GRB14: variants seen among roughly 807,000 people sequenced by gnomAD.
The protein encoded by GRB14 is growth factor receptor bound protein 14, also known as growth factor receptor-bound protein 14.
In GRB14, 38 loss-of-function variants were observed where a neutral mutation model predicts 69.1. The ratio of observed to expected loss-of-function variants is 0.55; its 90% CI spans 0.42 to 0.72. The LOEUF is 0.72. Ranked by LOEUF, GRB14 falls within the 30% of genes least tolerant of loss-of-function variation. GRB14 has a pLI of 0.00. For missense variants in GRB14, 666 were observed against 666.1 expected, an observed-to-expected ratio of 1.00 and a Z score of 0.00; for synonymous variants, 247 against 241.3, an observed-to-expected ratio of 1.02 and a Z score of -0.22.
chr2:164,621,165 C>G lies in GRB14; in HGVS notation c.145G>C (p.Ala49Pro). Reference sequence around the variant, plus strand: ...GTCCCGTCCGGAAGGGGCAGGAGCGCTCGCGCGTGCAGCCAGGGGGCCGGC... The same window carrying G: ...GTCCCGTCCGGAAGGGGCAGGAGCGGTCGCGCGTGCAGCCAGGGGGCCGGC... ...LAPAPWLHARALLPLPDGTRG... is the reference protein window; with the variant it reads ...LAPAPWLHARPLLPLPDGTRG... Residue 49 changes from alanine to proline, a missense_variant, in exon 1 of 14, where the codon GCG becomes CCG. Coordinates refer to ENST00000263915, the MANE Select transcript of GRB14 (RefSeq NM_004490.3). This position sits in a 1 kb window ranked among gnomAD's most constrained non-coding sequence, Gnocchi z 6.0. 2 of 1,244,770 alleles carry G rather than the reference C, an allele frequency of 1.6e-6. No homozygotes were observed. The highest frequency in any genetic ancestry group is 2.0e-6 in the Non-Finnish European group (2 of 988,176). 77.1% of individuals were successfully genotyped at this position (1,244,770 alleles called of 1,614,324 possible). A position where few individuals can be genotyped will look rare whatever the true frequency, so the allele number is the denominator to read the frequency against.
At position 164,554,941 on chromosome 2, in the gene GRB14, G is replaced by C. The variant is rs558750310; in HGVS notation, c.325-7125C>G. On this transcript the variant is annotated intron_variant, in intron 2 of 13. Coordinates refer to ENST00000263915, the MANE Select transcript of GRB14 (RefSeq NM_004490.3). ...AACTTTTCAGAAAAAAAAACTTGAGGCCTTTTAAAGCCTCTAGACTAAAAG... is the reference window on the plus strand; with the variant it reads ...AACTTTTCAGAAAAAAAAACTTGAGCCCTTTTAAAGCCTCTAGACTAAAAG... Among the ~76,000 whole-genome samples the C allele has an allele frequency of 6.6e-5, 10 of 150,724 alleles. No homozygotes were observed. In the East Asian group the frequency reaches 1.9e-3, roughly 29 times the overall value.
At chr2:164,586,972 T>A (rs183676379) in intron 2 of GRB14, among the ~76,000 whole-genome samples, 2 of 152,252 alleles carry the variant, frequency 1.3e-5, no homozygotes, top group African/African-American at 4.8e-5. Context: ...AACACATAAT[T>A]TTCTCTTTGC....
rs1017145622 is a variant in GRB14 at position 164,527,065 on chromosome 2, T to C, written c.552A>G (p.Lys184=). ...LSNWGIEEEN[K]LYFRKNYAKY... ...TGGCATAATTTTTTCTAAAGTATAG[T>C]TTGTTTTCTTCTTCTATCCCCCAGT... Residue 184 remains lysine, a synonymous_variant, in exon 4 of 14, where the codon AAA becomes AAG. Coordinates refer to ENST00000263915, the MANE Select transcript of GRB14 (RefSeq NM_004490.3). 5 of 1,593,572 alleles carry C rather than the reference T, an allele frequency of 3.1e-6. No homozygotes were observed. Among genetic ancestry groups the C allele is most frequent in the Middle Eastern group, 1.7e-4 (1 of 6,016 alleles).
chr2:164,498,896 G>T (rs1437513662), intron 9 of GRB14, among the ~76,000 whole-genome samples: 1 of 152,150 alleles, frequency 6.6e-6, no homozygotes, highest in South Asian at 2.1e-4. Flanking sequence ...GATCTGGCAT[G>T]CAATCTTTCA....
chr2:164,524,918 C>T, intron 5 of GRB14, 86 bp downstream of exon 5: 1 of 722,350 alleles, frequency 1.4e-6, no homozygotes, highest in Non-Finnish European at 2.2e-6. Context: ...CATAACTTTT[C>T]AAAATCTGGG....
intron 2 of GRB14, among the ~76,000 whole-genome samples, chr2:164,553,626 G>A (rs1376018867): frequency 6.6e-6 from 1 of 152,128 alleles, no homozygotes; most frequent in African/African-American, 2.4e-5. Context: ...TGAATGGGAT[G>A]CCTTTGTTAA....
At position 164,581,912 on chromosome 2, in the gene GRB14, C is replaced by G. The variant is rs796681276; in HGVS notation, c.325-34096G>C. On this transcript the variant is annotated intron_variant, in intron 2 of 13. Transcript: ENST00000263915. ...CTAAATTATCTTTTACCAATAAACT[C>G]CTCAATTTTAAGGACCCTTGTCTTC... 5.8e-4 allele frequency among the ~76,000 whole-genome samples: 89 copies of G among 152,260 alleles called. 2 individuals are homozygous for G. Among genetic ancestry groups the G allele is most frequent in the African/African-American group, 2.1e-3 (88 of 41,540 alleles).
chr2:164,595,935 C>CCAACATG (rs1689770932), intron 2 of GRB14, among the ~76,000 whole-genome samples: 1 of 152,128 alleles, frequency 6.6e-6, no homozygotes. Context: ...ACCATCCTGG[C>CCAACATG]CAACATGGTG....
intron 2 of GRB14, among the ~76,000 whole-genome samples, chr2:164,600,978 A>G (rs1574347168): frequency 6.6e-6 from 1 of 151,992 alleles, no homozygotes; most frequent in Non-Finnish European, 1.5e-5. Flanking sequence ...GTTCTTTCCA[A>G]TGGAAAAAAA....
intron 6 of GRB14, among the ~76,000 whole-genome samples, chr2:164,517,939 C>T (rs553119479): frequency 1.3e-5 from 2 of 152,252 alleles, no homozygotes; most frequent in South Asian, 4.1e-4. Flanking sequence ...TAATACTCCA[C>T]TAACTGCACT....
chr2:164,508,634 T>C (rs1191036997), intron 7 of GRB14, 84 bp from the exon 8 acceptor site: 1 of 1,446,796 alleles, frequency 6.9e-7, no homozygotes, highest in Non-Finnish European at 9.6e-7. Context: ...AAAATTCTCC[T>C]ATATATAAGA....
intron 6 of GRB14, among the ~76,000 whole-genome samples, chr2:164,514,203 G>A (rs928190468): frequency 6.6e-6 from 1 of 152,208 alleles, no homozygotes; most frequent in Non-Finnish European, 1.5e-5. Flanking sequence ...GGAACAGGAG[G>A]CAGGACTAAC....
intron 2 of GRB14, among the ~76,000 whole-genome samples, chr2:164,554,614 A>G (rs978065628): frequency 1.6e-4 from 25 of 152,164 alleles, no homozygotes; most frequent in African/African-American, 6.0e-4. Context: ...GACAATCACA[A>G]CAACCTTGGC....
At chr2:164,506,382 C>T (rs1687189287) in intron 8 of GRB14, among the ~76,000 whole-genome samples, 1 of 152,150 alleles carries the variant, frequency 6.6e-6, no homozygotes, top group South Asian at 2.1e-4. Flanking sequence ...TTTGTTAAAA[C>T]TTTCTTCCAA....
At chr2:164,568,098 T>C (rs1689027263) in intron 2 of GRB14, among the ~76,000 whole-genome samples, 1 of 152,150 alleles carries the variant, frequency 6.6e-6, no homozygotes, top group Non-Finnish European at 1.5e-5. Context: ...TTCTTTTAGG[T>C]GAAAGTTTTT....
At chr2:164,591,030 T>C (rs1243096909) in intron 2 of GRB14, among the ~76,000 whole-genome samples, 1 of 152,212 alleles carries the variant, frequency 6.6e-6, no homozygotes, top group Non-Finnish European at 1.5e-5. Context: ...ACTAAGAAAC[T>C]GTTTTCAGTT....
chr2:164,570,275 T>TAAAAAAAAAA (rs35918859), intron 2 of GRB14, among the ~76,000 whole-genome samples: 11 of 57,228 alleles, frequency 1.9e-4, no homozygotes, highest in African/African-American at 7.4e-4. Flanking sequence ...AGACTCCATC[T>TAAAAAAAAAA]AAAAAAAAAA....
At chr2:164,578,475 C>T (rs1307842320) in intron 2 of GRB14, among the ~76,000 whole-genome samples, 1 of 142,012 alleles carries the variant, frequency 7.0e-6, no homozygotes, top group Non-Finnish European at 1.6e-5. Context: ...TTAAAAAAAC[C>T]CAAAAGAAAA....
intron 2 of GRB14, among the ~76,000 whole-genome samples, chr2:164,589,262 T>C (rs1275594919): frequency 6.6e-6 from 1 of 152,190 alleles, no homozygotes; most frequent in Admixed American, 6.5e-5. Flanking sequence ...ACAATAATAC[T>C]TTATTTATCC....
Sources: gnomAD v4.1 joint callset for allele counts (sites outside exome capture counted in the v4.1 genomes callset) on GRCh38, gnomAD v4.1.1 for gene constraint, Gnocchi (gnomAD v3.1) non-coding constraint, MANE v1.5 for transcripts, NCBI Gene and HGNC (gene_info 2026-07-23, HGNC 2026-07-21) for gene names.